MTRR: variants seen among roughly 807,000 people sequenced by gnomAD.
MTRR encodes the protein 5-methyltetrahydrofolate-homocysteine methyltransferase reductase.
Under a neutral mutation model 79.2 loss-of-function variants are expected in MTRR, and 63 were observed. The ratio of observed to expected loss-of-function variants is 0.80; its 90% CI spans 0.65 to 0.98. The LOEUF (loss-of-function observed/expected upper bound fraction) is 0.98. MTRR is among the 50% of genes least tolerant of loss of function. The probability of loss-of-function intolerance (pLI) is 0.00; values close to 1 mark genes in which losing one functional copy is unlikely to be tolerated. For missense variants in MTRR, 895 were observed against 839.6 expected (o/e 1.07, Z -0.82); for synonymous variants, 355 against 313.3 (o/e 1.13, Z -1.41).
intron 2 of MTRR, 93 bp from the exon 3 acceptor site, chr5:7,873,280 C>T: frequency 1.3e-6 from 2 of 1,513,224 alleles, no homozygotes; most frequent in Admixed American, 1.7e-5. Flanking sequence ...GATTGAAATA[C>T]AAGACAGGAA....
chr5:7,885,550 A>G, intron 6 of MTRR, 151 bp from the exon 7 acceptor site: 3 of 827,660 alleles, frequency 3.6e-6, no homozygotes, highest in South Asian at 3.7e-5. Context: ...TTATTTTTTA[A>G]AACAATTGTG....
chr5:7,888,605 TG>T (rs1737009497), intron 8 of MTRR, among the ~76,000 whole-genome samples: 2 of 152,324 alleles, frequency 1.3e-5, no homozygotes, highest in South Asian at 4.1e-4. Context: ...GTGACTCCTT[TG>T]GGAACAGTGA....
At chr5:7,881,433 C>T (rs967863308) in intron 5 of MTRR, among the ~76,000 whole-genome samples, 9 of 151,906 alleles carry the variant, frequency 5.9e-5, no homozygotes, top group Non-Finnish European at 5.9e-5. Context: ...CATCCAGATG[C>T]GAGAAGGGAG....
At chr5:7,877,528 A>T (rs11740089) in intron 4 of MTRR, among the ~76,000 whole-genome samples, 2,214 of 147,604 alleles carry the variant, frequency 0.015, 31 homozygotes, top group Non-Finnish European at 0.024. Flanking sequence ...AAAAAGGTGC[A>T]TTTGATGGAT....
At chr5:7,870,580 C>T (rs1349721813) in intron 1 of MTRR, among the ~76,000 whole-genome samples, 190 bp from the exon 2 acceptor site, 1 of 152,204 alleles carries the variant, frequency 6.6e-6, no homozygotes, top group Non-Finnish European at 1.5e-5. Context: ...TTCATTCGTA[C>T]ACTCTCCTTA....
At chr5:7,870,971 T>G (rs756716552) in intron 2 of MTRR, 48 bp downstream of exon 2, 2 of 1,612,906 alleles carry the variant, frequency 1.2e-6, no homozygotes, top group East Asian at 4.5e-5. Flanking sequence ...TTGAAGAATT[T>G]TGGTTGGGAA....
In MTRR at chr5:7,900,094, G is replaced by T; in HGVS notation, c.*36G>T. On this transcript the variant is annotated 3_prime_UTR_variant, in exon 15 of 15. Coordinates refer to ENST00000440940, the MANE Select transcript of MTRR (RefSeq NM_002454.3). ...TAAAGAAAGAGGATTAAGCTTTTTT[G>T]ACTGAAAGTACTAAAAGTCAGCTTT... 1 of 1,609,370 alleles carries T rather than the reference G, an allele frequency of 6.2e-7. No individual in the cohort carries two copies. The highest frequency in any genetic ancestry group is 1.1e-5 in the South Asian group (1 of 89,526).
At chr5:7,881,166 T>G (rs1451871816) in intron 5 of MTRR, among the ~76,000 whole-genome samples, 1 of 152,064 alleles carries the variant, frequency 6.6e-6, no homozygotes, top group African/African-American at 2.4e-5. Flanking sequence ...GGGCTGCCCA[T>G]TTTTTACATC....
At chr5:7,863,780 A>C (rs1156253147) in intron 2 of MTRR, among the ~76,000 whole-genome samples, 3 of 152,212 alleles carry the variant, frequency 2.0e-5, no homozygotes, top group Admixed American at 6.5e-5. Flanking sequence ...CAACATGCTG[A>C]CTATAGTTAA....
In MTRR at chr5:7,900,390, G is replaced by A; in HGVS notation, c.*332G>A. 1 of 280,436 alleles carries A rather than the reference G, an allele frequency of 3.6e-6. No individual in the cohort carries two copies. The highest frequency in any genetic ancestry group is 6.8e-6 in the Non-Finnish European group (1 of 147,412). The allele number at this position is 280,436 out of a possible 1,614,324, so 17.4% of individuals were successfully genotyped here. ...AGAGACTCTGTCCTTCCATGCAAAG[G>A]CTTCCTGAAATAGGGAGACTGACTG... On this transcript the variant is annotated 3_prime_UTR_variant, in exon 15 of 15. Coordinates refer to ENST00000440940, the MANE Select transcript of MTRR (RefSeq NM_002454.3).
At chr5:7,861,350 G>T (rs1746515705) in intron 1 of MTRR, 1 of 750,854 alleles carries the variant, frequency 1.3e-6, no homozygotes, top group East Asian at 2.9e-5. Context: ...AGTTTATTTG[G>T]GATTTGGCTA....
upstream of MTRR, chr5:7,867,357 G>A (rs1363466494): frequency 6.2e-7 from 1 of 1,614,092 alleles, no homozygotes; most frequent in Non-Finnish European, 8.5e-7. Flanking sequence ...TCACCTTGAA[G>A]TTGATTTATA....
chr5:7,893,205 C>A, intron 11 of MTRR: 1 of 411,186 alleles, frequency 2.4e-6, no homozygotes, highest in Non-Finnish European at 4.5e-6. Flanking sequence ...GTACATTGGC[C>A]TGGGGAGGGG....
chr5:7,891,739 T>A (rs534924108), intron 10 of MTRR, among the ~76,000 whole-genome samples: 1 of 152,154 alleles, frequency 6.6e-6, no homozygotes, highest in Admixed American at 6.5e-5. Flanking sequence ...ACAGAAAAGT[T>A]CCACTATAAA....
At chr5:7,885,487 C>T (rs530833802) in intron 6 of MTRR, among the ~76,000 whole-genome samples, 29 of 151,420 alleles carry the variant, frequency 1.9e-4, no homozygotes, top group Middle Eastern at 3.4e-3. Flanking sequence ...TACCAGATTT[C>T]GTTTTAATAG....
rs2126793535 is a variant in MTRR at position 7,892,808 on chromosome 5, G to A, written c.1452G>A (p.Leu484=). The A allele has an allele frequency of 5.6e-6, 9 of 1,614,206 alleles. No individual in the cohort carries two copies. Among genetic ancestry groups the A allele is most frequent in the South Asian group, 1.1e-5 (1 of 91,088 alleles). ...EFLSTATTEV[L]RKGVCTGWLA... ...TGTCTACTGCCACAACAGAGGTTCT[G>A]CGGAAGGGAGTATGTACAGGCTGGC... is the stretch of plus-strand genomic sequence containing the variant. Residue 484 remains leucine, a synonymous_variant, in exon 11 of 15, where the codon CTG becomes CTA. Transcript: ENST00000440940.
chr5:7,894,767 G>C lies in MTRR; in HGVS notation c.1558-967G>C, dbSNP rs114886259. Among the ~76,000 whole-genome samples, 987 of 152,308 alleles carry C rather than the reference G, an allele frequency of 6.5e-3. 5 individuals carry two copies. The highest frequency in any genetic ancestry group is 0.024 in the Middle Eastern group (7 of 294). ...ATTCTGTGGATATATGTGATAATGT[G>C]TATGTTTATTTTCTTTTCCTTCCAC... On this transcript the variant is annotated intron_variant, in intron 11 of 14. Transcript: ENST00000440940.
At chr5:7,880,864 G>A (rs1334420477) in intron 5 of MTRR, among the ~76,000 whole-genome samples, 1 of 152,156 alleles carries the variant, frequency 6.6e-6, no homozygotes, top group Non-Finnish European at 1.5e-5. Context: ...GGGTCCCTGG[G>A]TAACAACATT....
Position 7,869,194 on chromosome 5 carries a change from G to T in MTRR, c.-47G>T, listed in dbSNP as rs1747382600. ...GGTGGAAGTCGCGTTGTGCAGGTTC[G>T]TGCCCGGCTGGCGCGGCGTGGGTAA... On this transcript the variant is annotated 5_prime_UTR_variant, in exon 1 of 15. Transcript: ENST00000440940. The T allele has an allele frequency of 2.5e-6, 4 of 1,609,718 alleles. No homozygotes were observed. Among genetic ancestry groups the T allele is most frequent in the Non-Finnish European group, 2.5e-6 (3 of 1,179,806 alleles).
Sources: allele counts gnomAD v4.1 joint callset (sites outside exome capture counted in the v4.1 genomes callset), GRCh38; gene constraint gnomAD v4.1.1; transcripts MANE v1.5; gene names NCBI Gene and HGNC (gene_info 2026-07-23, HGNC 2026-07-21).